The following NALF1 variants were observed in gnomAD, a reference collection of about 807,000 sequenced individuals.
The protein encoded by NALF1 is NALCN channel auxiliary factor 1, also known as family with sequence similarity 155 member A.
A neutral mutation model predicts 48.4 loss-of-function variants in NALF1; 3 were observed. The observed-to-expected ratio is 0.06, with a 90% CI of 0.03 to 0.16. The LOEUF is 0.16. Ranked by LOEUF, NALF1 falls within the 10% of genes least tolerant of loss-of-function variation. NALF1 has a pLI of 1.00. For missense variants in NALF1, 526 were observed against 571.5 expected (o/e 0.92, Z 0.81); for synonymous variants, 262 against 245.7 (o/e 1.07, Z -0.62).
At chr13:107,782,861 C>T (rs1177304992) in intron 1 of NALF1, among the ~76,000 whole-genome samples, 1 of 151,576 alleles carries the variant, frequency 6.6e-6, no homozygotes, top group Non-Finnish European at 1.5e-5. Flanking sequence ...GCCCGGCAGC[C>T]GCCCCGTCTG....
intron 1 of NALF1, among the ~76,000 whole-genome samples, chr13:107,719,420 A>G (rs558866839): frequency 1.3e-5 from 2 of 152,188 alleles, no homozygotes; most frequent in Admixed American, 1.3e-4. Flanking sequence ...AATGTTCACC[A>G]TTCTTCCTTC....
intron 1 of NALF1, among the ~76,000 whole-genome samples, chr13:107,462,919 A>G (rs1884943207): frequency 6.6e-6 from 1 of 152,226 alleles, no homozygotes; most frequent in Non-Finnish European, 1.5e-5. Context: ...CACAATCATC[A>G]GCAGCATACA....
intron 1 of NALF1, among the ~76,000 whole-genome samples, chr13:107,749,862 C>T (rs968505986): frequency 3.9e-5 from 6 of 151,932 alleles, no homozygotes; most frequent in Non-Finnish European, 8.8e-5. Flanking sequence ...CTCTGTCTCC[C>T]AGGCTGGAAT....
chr13:107,416,862 A>G (rs926990482), intron 1 of NALF1, among the ~76,000 whole-genome samples: 4 of 152,174 alleles, frequency 2.6e-5, no homozygotes, highest in African/African-American at 7.2e-5. Flanking sequence ...TCTTGCTTGC[A>G]TTGCCCTATT....
intron 1 of NALF1, among the ~76,000 whole-genome samples, chr13:107,710,830 CAG>C (rs1875565054): frequency 6.8e-6 from 1 of 147,486 alleles, no homozygotes; most frequent in African/African-American, 2.6e-5. Context: ...TATACACATA[CAG>C]AGACACGTAT....
At chr13:107,557,552 C>G (rs2138390396) in intron 1 of NALF1, among the ~76,000 whole-genome samples, 1 of 152,302 alleles carries the variant, frequency 6.6e-6, no homozygotes, top group Non-Finnish European at 1.5e-5. Flanking sequence ...GTGCTGGCAC[C>G]AGACCACTGG....
At chr13:107,808,703 T>A (rs887293829) in intron 1 of NALF1, among the ~76,000 whole-genome samples, 1 of 151,500 alleles carries the variant, frequency 6.6e-6, no homozygotes, top group Non-Finnish European at 1.5e-5. Context: ...TTAGATAGAT[T>A]AGGAGAACAA....
At chr13:107,468,047 C>CAAA (rs1287757353) in intron 1 of NALF1, among the ~76,000 whole-genome samples, 20 of 75,604 alleles carry the variant, frequency 2.6e-4, no homozygotes, top group African/African-American at 8.3e-4. Flanking sequence ...GACTCCGTCT[C>CAAA]AAAAAAAAAA....
At chr13:107,296,981 T>G (rs1347270996) in intron 1 of NALF1, among the ~76,000 whole-genome samples, 1 of 151,656 alleles carries the variant, frequency 6.6e-6, no homozygotes, top group Non-Finnish European at 1.5e-5. Context: ...TGTATCATGA[T>G]GAGTCACCAC....
intron 1 of NALF1, among the ~76,000 whole-genome samples, chr13:107,216,868 A>T (rs1879883836): frequency 6.6e-6 from 1 of 152,186 alleles, no homozygotes; most frequent in South Asian, 2.1e-4. Context: ...CTGCCCAGAC[A>T]TATGATTGTA....
intron 1 of NALF1, among the ~76,000 whole-genome samples, chr13:107,618,121 G>A (rs1023775023): frequency 2.0e-5 from 3 of 152,002 alleles, no homozygotes; most frequent in African/African-American, 4.8e-5. Flanking sequence ...ACAGGGCACC[G>A]AGAGAGAAAA....
chr13:107,232,466 T>C (rs1880247119), intron 1 of NALF1, among the ~76,000 whole-genome samples: 1 of 152,206 alleles, frequency 6.6e-6, no homozygotes, highest in African/African-American at 2.4e-5. Flanking sequence ...TCGATGTTGA[T>C]TCTCCTTAAC....
chr13:107,301,235 A>C (rs1437364833), intron 1 of NALF1, among the ~76,000 whole-genome samples: 3 of 152,334 alleles, frequency 2.0e-5, no homozygotes, highest in Admixed American at 2.0e-4. Flanking sequence ...TAGCCTGTTC[A>C]ACATCCATCC....
intron 1 of NALF1, among the ~76,000 whole-genome samples, chr13:107,738,839 T>C (rs112912893): frequency 0.044 from 6,622 of 152,006 alleles, 368 homozygotes; most frequent in African/African-American, 0.13. Flanking sequence ...CATTTTTGTA[T>C]TTTTAGTAGA....
At chr13:107,731,267 T>C (rs1876300767) in intron 1 of NALF1, among the ~76,000 whole-genome samples, 1 of 152,104 alleles carries the variant, frequency 6.6e-6, no homozygotes, top group Non-Finnish European at 1.5e-5. Context: ...AAATTTCACT[T>C]CAAGTTAACA....
chr13:107,542,253 C>T (rs1877019182), intron 1 of NALF1, among the ~76,000 whole-genome samples: 1 of 151,910 alleles, frequency 6.6e-6, no homozygotes, highest in Admixed American at 6.6e-5. Flanking sequence ...TTATATGATT[C>T]CATTTATATG....
chr13:107,527,675 T>C (rs948641915), intron 1 of NALF1, among the ~76,000 whole-genome samples: 1 of 152,028 alleles, frequency 6.6e-6, no homozygotes, highest in Admixed American at 6.6e-5. Flanking sequence ...AATTGAATCA[T>C]GGGGGTGGTT....
rs75366024 is a variant in NALF1, at chr13:107,408,182, G to T, written c.916-197427C>A. Among the ~76,000 whole-genome samples the T allele has an allele frequency of 7.3e-4, 111 of 151,976 alleles. 2 individuals are homozygous for T. In the East Asian group the frequency reaches 0.019, roughly 26 times the overall value. On this transcript the variant is annotated intron_variant, in intron 1 of 2. Transcript: ENST00000375915. Reference sequence around the variant, plus strand: ...AGTACAAAAAATAGTTAAAAATAACGAATAAGAACTAGTATTTGCTAACGT... The same window carrying T: ...AGTACAAAAAATAGTTAAAAATAACTAATAAGAACTAGTATTTGCTAACGT...
intron 1 of NALF1, among the ~76,000 whole-genome samples, chr13:107,830,968 A>G (rs1331075128): frequency 6.6e-6 from 1 of 152,244 alleles, no homozygotes; most frequent in Admixed American, 6.5e-5. Context: ...TGTTCCGCAA[A>G]GAGCATGGGC....
Sources: gnomAD v4.1 joint callset for allele counts (sites outside exome capture counted in the v4.1 genomes callset) on GRCh38, gnomAD v4.1.1 for gene constraint, MANE v1.5 for transcripts, NCBI Gene and HGNC (gene_info 2026-07-23, HGNC 2026-07-21) for gene names.